Variants in FHIT observed in about 807,000 individuals in gnomAD.
The protein encoded by FHIT is bis(5'-adenosyl)-triphosphatase.
In FHIT, 19 loss-of-function variants were observed where a neutral mutation model predicts 17.9. The ratio of observed to expected loss-of-function variants is 1.06; its 90% CI spans 0.74 to 1.56. FHIT has a LOEUF of 1.56. FHIT is among the 40% of genes most tolerant of loss of function. FHIT has a pLI of 0.00. For missense variants in FHIT, 248 were observed against 189.2 expected (o/e 1.31, Z -1.82); for synonymous variants, 81 against 69.7 (o/e 1.16, Z -0.81).
chr3:61,114,807 T>C (rs2036254092), intron 2 of FHIT, among the ~76,000 whole-genome samples: 2 of 152,138 alleles, frequency 1.3e-5, no homozygotes, highest in South Asian at 4.1e-4. Context: ...AACACACATT[T>C]ACCTTTATCC....
intron 3 of FHIT, among the ~76,000 whole-genome samples, chr3:60,961,881 C>A (rs148254872): frequency 0.013 from 1,918 of 152,250 alleles, 23 homozygotes; most frequent in Middle Eastern, 0.041. Flanking sequence ...TAGCTTTGTT[C>A]TTTTGGCTTA....
At chr3:60,018,116 G>A (rs984106259) in intron 5 of FHIT, among the ~76,000 whole-genome samples, 1 of 152,216 alleles carries the variant, frequency 6.6e-6, no homozygotes, top group East Asian at 1.9e-4. Flanking sequence ...ATTTGGTGGA[G>A]GCCTCAAGAT....
At chr3:61,132,107 C>G (rs1162605654) in intron 2 of FHIT, among the ~76,000 whole-genome samples, 1 of 152,292 alleles carries the variant, frequency 6.6e-6, no homozygotes, top group Non-Finnish European at 1.5e-5. Context: ...AATCAAAGGG[C>G]TTTCATTTTG....
At chr3:60,785,155 A>G (rs1553726523) in intron 4 of FHIT, among the ~76,000 whole-genome samples, 1 of 152,230 alleles carries the variant, frequency 6.6e-6, no homozygotes, top group Non-Finnish European at 1.5e-5. Flanking sequence ...AACTAAAGCT[A>G]GAATTCTTGA....
At chr3:60,985,252 G>C (rs535597400) in intron 3 of FHIT, among the ~76,000 whole-genome samples, 1 of 152,132 alleles carries the variant, frequency 6.6e-6, no homozygotes, top group African/African-American at 2.4e-5. Flanking sequence ...TACGTTCTGT[G>C]TTTTTTTACT....
chr3:59,761,611 AT>A (rs1021950824), intron 8 of FHIT, among the ~76,000 whole-genome samples: 59 of 140,674 alleles, frequency 4.2e-4, no homozygotes, highest in South Asian at 8.9e-4. Flanking sequence ...AATTTATTTT[AT>A]TTTTTTTTTT....
At chr3:59,960,265 C>G (rs1707607281) in intron 7 of FHIT, among the ~76,000 whole-genome samples, 1 of 152,108 alleles carries the variant, frequency 6.6e-6, no homozygotes, top group Admixed American at 6.5e-5. Flanking sequence ...CACTTGGTAG[C>G]TTTGATTAGG....
chr3:60,637,487 T>C (rs782796137), intron 4 of FHIT, among the ~76,000 whole-genome samples: 8 of 152,136 alleles, frequency 5.3e-5, no homozygotes, highest in African/African-American at 9.7e-5. Context: ...CTATGTCCAG[T>C]GCTTACATTA....
At chr3:60,312,066 C>T (rs1708973576) in intron 5 of FHIT, among the ~76,000 whole-genome samples, 1 of 152,142 alleles carries the variant, frequency 6.6e-6, no homozygotes, top group Admixed American at 6.5e-5. Context: ...ACTTAGCATA[C>T]AGCAAGGGTA....
chr3:60,658,802 A>C (rs1396913610), intron 4 of FHIT, among the ~76,000 whole-genome samples: 3 of 152,130 alleles, frequency 2.0e-5, no homozygotes, highest in Non-Finnish European at 4.4e-5. Context: ...CATTATTACA[A>C]TAATACTAGC....
intron 4 of FHIT, among the ~76,000 whole-genome samples, chr3:60,736,637 G>A (rs1170074604): frequency 2.6e-5 from 4 of 152,186 alleles, no homozygotes; most frequent in Admixed American, 2.6e-4. Flanking sequence ...CAGGACATAG[G>A]AGGAGAGGAA....
At chr3:60,418,294 AT>A (rs1320780394) in intron 5 of FHIT, among the ~76,000 whole-genome samples, 1 of 148,866 alleles carries the variant, frequency 6.7e-6, no homozygotes, top group Non-Finnish European at 1.5e-5. Flanking sequence ...ATTAACATTA[AT>A]TTTACATAAT....
intron 5 of FHIT, among the ~76,000 whole-genome samples, chr3:60,300,104 C>T (rs1231061860): frequency 6.6e-6 from 1 of 151,970 alleles, no homozygotes; most frequent in African/African-American, 2.4e-5. Context: ...CTTGTGTCTC[C>T]AGGTCTCTAG....
At chr3:59,958,384 A>G (rs1157702483) in intron 7 of FHIT, among the ~76,000 whole-genome samples, 1 of 152,246 alleles carries the variant, frequency 6.6e-6, no homozygotes, top group Non-Finnish European at 1.5e-5. Context: ...CAAGTTGATT[A>G]TTGCACAATG....
At chr3:60,643,909 C>T (rs987769911) in intron 4 of FHIT, among the ~76,000 whole-genome samples, 7 of 152,190 alleles carry the variant, frequency 4.6e-5, no homozygotes, top group Admixed American at 2.0e-4. Flanking sequence ...TTGAACAGTC[C>T]ACCAGGGATC....
chr3:60,517,300 T>C (rs2035195679), intron 5 of FHIT, among the ~76,000 whole-genome samples: 1 of 152,246 alleles, frequency 6.6e-6, no homozygotes, highest in African/African-American at 2.4e-5. Flanking sequence ...CTTATTTATA[T>C]TATTGCCATA....
intron 5 of FHIT, among the ~76,000 whole-genome samples, chr3:60,229,950 C>G (rs1378788090): frequency 6.6e-6 from 1 of 152,184 alleles, no homozygotes; most frequent in South Asian, 2.1e-4. Context: ...CCACTGCACT[C>G]CAGCCTGGCC....
At chr3:59,987,491 G>C (rs1709038271) in intron 7 of FHIT, among the ~76,000 whole-genome samples, 1 of 151,990 alleles carries the variant, frequency 6.6e-6, no homozygotes, top group Non-Finnish European at 1.5e-5. Flanking sequence ...CAGCACACCA[G>C]TAATTAGATG....
intron 5 of FHIT, among the ~76,000 whole-genome samples, chr3:60,184,151 GT>G (rs1180592797): frequency 1.3e-5 from 2 of 151,738 alleles, no homozygotes; most frequent in Non-Finnish European, 2.9e-5. Flanking sequence ...CACCTAATTT[GT>G]TTTTTATTTT....
Sources: allele counts gnomAD v4.1 joint callset (sites outside exome capture counted in the v4.1 genomes callset), GRCh38; gene constraint gnomAD v4.1.1; transcripts MANE v1.5; gene names NCBI Gene and HGNC (gene_info 2026-07-23, HGNC 2026-07-21).